DAB1: variants seen among roughly 807,000 people sequenced by gnomAD.
The protein encoded by DAB1 is DAB adaptor protein 1.
A neutral mutation model predicts 64.6 loss-of-function variants in DAB1; 15 were observed. That is an observed-to-expected ratio of 0.23 (90% CI 0.16 to 0.36). The LOEUF (loss-of-function observed/expected upper bound fraction) is 0.36, where lower values mean the gene tolerates loss of function less well. Ranked by LOEUF, DAB1 falls within the 10% of genes least tolerant of loss-of-function variation. The pLI is 1.00. For synonymous variants in DAB1, 235 were observed against 251.9 expected (o/e 0.93, Z 0.64); for missense variants, 596 against 706.7 (o/e 0.84, Z 1.78).
At chr1:58,490,288 G>A (rs1310671397) in intron 3 of DAB1, among the ~76,000 whole-genome samples, 1 of 152,200 alleles carries the variant, frequency 6.6e-6, no homozygotes, top group Non-Finnish European at 1.5e-5. Flanking sequence ...AGAACTACGT[G>A]ACGAATGCAC....
intron 7 of DAB1, among the ~76,000 whole-genome samples, chr1:57,534,350 G>C (rs767174751): frequency 3.3e-5 from 5 of 152,206 alleles, no homozygotes; most frequent in Non-Finnish European, 5.9e-5. Flanking sequence ...GATTTGATGT[G>C]AGTCTGTGTT....
At chr1:57,450,579 T>C (rs1036169780) in intron 7 of DAB1, among the ~76,000 whole-genome samples, 2 of 152,208 alleles carry the variant, frequency 1.3e-5, no homozygotes, top group Non-Finnish European at 2.9e-5. Flanking sequence ...ATGTCAGTAT[T>C]GCTCACAGGC....
intron 1 of DAB1, among the ~76,000 whole-genome samples, chr1:57,359,696 A>T (rs1266620018): frequency 6.6e-6 from 1 of 152,080 alleles, no homozygotes; most frequent in African/African-American, 2.4e-5. Context: ...CTAAGTGTCC[A>T]TCAAGGATAA....
chr1:57,306,493 C>T (rs1674185689), intron 1 of DAB1, among the ~76,000 whole-genome samples: 2 of 137,840 alleles, frequency 1.5e-5, no homozygotes, highest in South Asian at 4.9e-4. Context: ...TCAGAAACTT[C>T]TTTTCTCTCT....
At chr1:57,007,999 T>C (rs1557525345) in intron 14 of DAB1, among the ~76,000 whole-genome samples, 1 of 152,244 alleles carries the variant, frequency 6.6e-6, no homozygotes, top group Non-Finnish European at 1.5e-5. Flanking sequence ...AGTGGCTATG[T>C]CTGCAAAGCT....
At chr1:58,393,970 T>G (rs1370956541) in intron 3 of DAB1, among the ~76,000 whole-genome samples, 4 of 152,180 alleles carry the variant, frequency 2.6e-5, no homozygotes, top group Non-Finnish European at 4.4e-5. Context: ...AAACATCATG[T>G]CATGCCCCAT....
At chr1:58,521,727 T>C (rs147151040) in intron 2 of DAB1, among the ~76,000 whole-genome samples, 6 of 152,276 alleles carry the variant, frequency 3.9e-5, no homozygotes, top group East Asian at 1.9e-4. Flanking sequence ...TAGAAAAATC[T>C]GAATAGTTCT....
chr1:57,535,378 T>C (rs1049836960), intron 7 of DAB1, among the ~76,000 whole-genome samples: 3 of 152,250 alleles, frequency 2.0e-5, no homozygotes, highest in Admixed American at 2.0e-4. Flanking sequence ...AATGATTTAG[T>C]ACCCCGCAGC....
chr1:57,744,738 C>T (rs1384624278), intron 6 of DAB1, among the ~76,000 whole-genome samples: 1 of 152,190 alleles, frequency 6.6e-6, no homozygotes, highest in African/African-American at 2.4e-5. Flanking sequence ...AGTAGCCATT[C>T]TCCACTGGCA....
At chr1:58,324,777 G>A (rs767688911) in intron 4 of DAB1, among the ~76,000 whole-genome samples, 1 of 152,082 alleles carries the variant, frequency 6.6e-6, no homozygotes, top group African/African-American at 2.4e-5. Context: ...GTGCACGCTG[G>A]GGCCTCCTAC....
intron 7 of DAB1, among the ~76,000 whole-genome samples, chr1:57,469,290 C>T (rs1472000087): frequency 6.6e-6 from 1 of 152,202 alleles, no homozygotes; most frequent in Non-Finnish European, 1.5e-5. Context: ...AAGCGGTTCA[C>T]ACACCTCTGG....
intron 5 of DAB1, among the ~76,000 whole-genome samples, chr1:58,119,748 G>T (rs1232765100): frequency 6.6e-6 from 1 of 152,150 alleles, no homozygotes; most frequent in Non-Finnish European, 1.5e-5. Flanking sequence ...ATCCATGACA[G>T]CCCTCTTCCT....
At chr1:57,628,850 A>G (rs543596382) in intron 7 of DAB1, among the ~76,000 whole-genome samples, 2 of 152,276 alleles carry the variant, frequency 1.3e-5, no homozygotes, top group East Asian at 1.9e-4. Flanking sequence ...TCTTTCTTCA[A>G]TATTTCCCAA....
At chr1:58,365,593 C>T (rs1020614603) in intron 3 of DAB1, among the ~76,000 whole-genome samples, 4 of 152,168 alleles carry the variant, frequency 2.6e-5, no homozygotes, top group Admixed American at 2.6e-4. Flanking sequence ...TGAGTCTGAA[C>T]TTTTGTTTGA....
intron 5 of DAB1, among the ~76,000 whole-genome samples, chr1:58,057,457 T>C (rs1211766143): frequency 6.6e-6 from 1 of 152,152 alleles, no homozygotes; most frequent in Non-Finnish European, 1.5e-5. Flanking sequence ...TCTAGACCAA[T>C]AGGACAAATT....
intron 4 of DAB1, among the ~76,000 whole-genome samples, chr1:57,090,091 C>A (rs138552164): frequency 2.1e-3 from 322 of 152,234 alleles, no homozygotes; most frequent in African/African-American, 7.6e-3. Context: ...TGCATTCTTT[C>A]TTTGTGTATC....
At chr1:57,882,793 C>G (rs1406445786) in intron 1 of DAB1, among the ~76,000 whole-genome samples, 1 of 152,174 alleles carries the variant, frequency 6.6e-6, no homozygotes, top group East Asian at 1.9e-4. Context: ...CCTAGGTGAG[C>G]TGGACATGGT....
At chr1:57,435,166 A>G (rs1685652118) in intron 7 of DAB1, among the ~76,000 whole-genome samples, 1 of 147,368 alleles carries the variant, frequency 6.8e-6, no homozygotes, top group South Asian at 2.1e-4. Flanking sequence ...CTCCTGTCTC[A>G]GCCTCCCAAG....
At chr1:57,767,970 A>T (rs147631797) in intron 6 of DAB1, among the ~76,000 whole-genome samples, 1 of 151,850 alleles carries the variant, frequency 6.6e-6, no homozygotes, top group African/African-American at 2.4e-5. Context: ...TGAGGTCAGG[A>T]GTTTGAGACC....
Sources: allele counts gnomAD v4.1 joint callset (sites outside exome capture counted in the v4.1 genomes callset), GRCh38; gene constraint gnomAD v4.1.1; transcripts MANE v1.5; gene names NCBI Gene and HGNC (gene_info 2026-07-23, HGNC 2026-07-21).